SH3TC1: variants seen among roughly 807,000 people sequenced by gnomAD.
The protein encoded by SH3TC1 is SH3 domain and tetratricopeptide repeat-containing protein 1.
Under a neutral mutation model 117.3 loss-of-function variants are expected in SH3TC1, and 135 were observed. The ratio of observed to expected loss-of-function variants is 1.15; its 90% confidence interval spans 1.00 to 1.33. SH3TC1 has a LOEUF of 1.33. Among genes scored for constraint, SH3TC1 ranks in the 40% most tolerant of loss-of-function variants. The probability of loss-of-function intolerance (pLI) is 0.00; values close to 1 mark genes in which losing one functional copy is unlikely to be tolerated. For synonymous variants in SH3TC1, 898 were observed against 816.9 expected, an observed-to-expected ratio of 1.10 and a Z score of -1.69; for missense variants, 2,092 against 1,794.3, an observed-to-expected ratio of 1.17 and a Z score of -3.00.
At chr4:8,216,055 C>T (rs1417713367) in intron 5 of SH3TC1, 56 bp from the exon 6 acceptor site, 5 of 1,596,258 alleles carry the variant, frequency 3.1e-6, no homozygotes, top group Non-Finnish European at 4.3e-6. Flanking sequence ...CACAGGCTTC[C>T]CTGCCTCCCT....
Position 8,237,563 on chromosome 4 carries a change from C to G in SH3TC1, c.3646C>G (p.Leu1216Val). The G allele has an allele frequency of 6.2e-7, 1 of 1,612,176 alleles. No individual in the cohort carries two copies. Among genetic ancestry groups the G allele is most frequent in the Non-Finnish European group, 8.5e-7 (1 of 1,179,600 alleles). Residue 1216 changes from leucine to valine, a missense_variant, in exon 17 of 18, where the codon CTC (leucine) becomes GTC (valine). Coordinates refer to ENST00000245105, the MANE Select transcript of SH3TC1 (RefSeq NM_018986.5). ...TGGCGAGCTGGCAGAGCACTTCTAC[C>G]TCAAGGCCCTGTCGCTCTGCAACTC... Reference protein sequence around the residue: ...GHGELAEHFYLKALSLCNSPL... With the variant: ...GHGELAEHFYVKALSLCNSPL...
In SH3TC1 at chr4:8,228,182, G is replaced by T; in HGVS notation, c.2488G>T (p.Ala830Ser). 1 of 1,610,734 alleles carries T rather than the reference G, an allele frequency of 6.2e-7. No individual in the cohort carries two copies. The highest frequency in any genetic ancestry group is 1.7e-5 in the Admixed American group (1 of 59,854). Residue 830 changes from alanine (A) to serine (S), a missense_variant, in exon 12 of 18, where the codon GCC becomes TCC. Ala to Ser is a moderately conservative substitution (Grantham distance 99). Transcript: ENST00000245105. ...CCGTGCCATCGTGGACCACCTGGTG[G>T]CCCTGGCCTGGCTGCACGTGCTTCA... ...GVRAIVDHLV[A>S]LAWLHVLHGQ...
rs1359715579 is a variant in SH3TC1 at position 8,209,495 on chromosome 4, C to T, written c.173-253C>T. 3.3e-5 allele frequency among the ~76,000 whole-genome samples: 5 copies of T among 152,158 alleles called. No individual in the cohort carries two copies. The highest frequency in any genetic ancestry group is 1.5e-5 in the Non-Finnish European group (1 of 68,022). Reference sequence around the variant, plus strand: ...GAGGCCCATTGGAACTTGAGAGCGGCGGGATCATACGAGTCGTGTGGTCTT... The same window carrying T: ...GAGGCCCATTGGAACTTGAGAGCGGTGGGATCATACGAGTCGTGTGGTCTT... On this transcript the variant is annotated intron_variant, in intron 2 of 17. Coordinates refer to ENST00000245105, the MANE Select transcript of SH3TC1 (RefSeq NM_018986.5). The surrounding 1 kb of genome is among the most constrained non-coding windows in gnomAD (Gnocchi z 5.9).
At chr4:8,214,001 G>C (rs1718984090) in intron 4 of SH3TC1, among the ~76,000 whole-genome samples, 1 of 152,138 alleles carries the variant, frequency 6.6e-6, no homozygotes, top group Non-Finnish European at 1.5e-5. Flanking sequence ...AGTGTTAGCT[G>C]CTGTTATTTT....
At chr4:8,215,646 TCA>T (rs1199465094) in intron 5 of SH3TC1, among the ~76,000 whole-genome samples, 4 of 152,112 alleles carry the variant, frequency 2.6e-5, no homozygotes, top group African/African-American at 9.7e-5. Flanking sequence ...GAACGAAGGC[TCA>T]CTGCCCCAGA....
At chr4:8,226,883 G>A (rs1321080007) in intron 11 of SH3TC1, 97 bp from the exon 12 acceptor site, 9 of 863,480 alleles carry the variant, frequency 1.0e-5, no homozygotes, top group South Asian at 4.8e-5. Context: ...GTGCTGCGCC[G>A]GGGACACAGA....
Position 8,183,174 on chromosome 4 carries a change from G to A in SH3TC1, c.-57+964G>A, listed in dbSNP as rs1717123980. Among the ~76,000 whole-genome samples, 1 of 152,196 alleles carries A rather than the reference G, an allele frequency of 6.6e-6. No homozygotes were observed. Among genetic ancestry groups the A allele is most frequent in the African/African-American group, 2.4e-5 (1 of 41,448 alleles). On this transcript the variant is annotated intron_variant, in intron 1 of 16. Transcript: ENST00000508641. The surrounding 1 kb of genome is among the most constrained non-coding windows in gnomAD (Gnocchi z 5.4). ...CCCGCTGGGGCTATAGAATGGTCTG[G>A]AGCCCTCTGTGGCAGCAGCAGCCCC... is the stretch of plus-strand genomic sequence containing the variant.
chr4:8,203,240 T>C (rs1356902599), intron 1 of SH3TC1, among the ~76,000 whole-genome samples: 1 of 151,970 alleles, frequency 6.6e-6, no homozygotes, highest in Non-Finnish European at 1.5e-5. Context: ...GCAGCTTCAG[T>C]GTGCACTTCT....
At chr4:8,240,331 C>T (rs1448865739) in intron 17 of SH3TC1, among the ~76,000 whole-genome samples, 1 of 152,186 alleles carries the variant, frequency 6.6e-6, no homozygotes, top group Non-Finnish European at 1.5e-5. Flanking sequence ...CAGAGGGAAG[C>T]CTGGGTCACT....
chr4:8,212,962 G>A, intron 4 of SH3TC1, 134 bp downstream of exon 4: 3 of 1,248,140 alleles, frequency 2.4e-6, no homozygotes, highest in Admixed American at 6.0e-5. Context: ...GACAGTGGTG[G>A]CCTTGGAGGG....
chr4:8,237,593 C>G lies in SH3TC1; in HGVS notation c.3676C>G (p.Leu1226Val), dbSNP rs1404844569. Residue 1226 changes from leucine (L) to valine (V), a missense_variant, in exon 17 of 18, where the codon CTG becomes GTG. Transcript: ENST00000245105. ...GGCCCTGTCGCTCTGCAACTCGCCG[C>G]TGGAGTTTGACGAGGAGACCCTCTA... ...LKALSLCNSP[L>V]EFDEETLYYV... 1 of 1,612,524 alleles carries G rather than the reference C, an allele frequency of 6.2e-7. No homozygotes were observed. The highest frequency in any genetic ancestry group is 8.5e-7 in the Non-Finnish European group (1 of 1,179,638).
At chr4:8,233,645 T>G in intron 14 of SH3TC1, 132 bp downstream of exon 14, 2 of 1,100,434 alleles carry the variant, frequency 1.8e-6, no homozygotes, top group South Asian at 3.8e-5. Context: ...CTTCCATCCA[T>G]CCATCCTTCC....
intron 6 of SH3TC1, 128 bp downstream of exon 6, chr4:8,216,385 G>A: frequency 7.3e-7 from 1 of 1,377,522 alleles, no homozygotes; most frequent in South Asian, 1.5e-5. Context: ...TCTGGAGGCT[G>A]AGGGGTGCTT....
chr4:8,226,591 G>C (rs1287295218), intron 11 of SH3TC1, among the ~76,000 whole-genome samples: 1 of 152,266 alleles, frequency 6.6e-6, no homozygotes, highest in Non-Finnish European at 1.5e-5. Flanking sequence ...TGTAGTCGTA[G>C]TGCTGCGTAC....
intron 12 of SH3TC1, among the ~76,000 whole-genome samples, chr4:8,230,205 T>C (rs1475000730): frequency 6.6e-6 from 1 of 152,246 alleles, no homozygotes; most frequent in Non-Finnish European, 1.5e-5. Context: ...ATACAATTGT[T>C]CGTAGTGTTC....
At position 8,192,241 on chromosome 4, in the gene SH3TC1, C is replaced by T. The variant is rs114225422; in HGVS notation, c.-57+10031C>T. 0.017 allele frequency among the ~76,000 whole-genome samples: 2,561 copies of T among 151,956 alleles called. 72 individuals are homozygous for T. Among genetic ancestry groups the T allele is most frequent in the African/African-American group, 0.058 (2,417 of 41,430 alleles). On this transcript the variant is annotated intron_variant, in intron 1 of 16. Transcript: ENST00000508641. This position sits in a 1 kb window ranked among gnomAD's most constrained non-coding sequence, Gnocchi z 4.1. The stretch of plus-strand genomic sequence containing the variant: ...ACTCCTGACCTCAAGTGATCTGCAC[C>T]CCCCTCGGCCTCCCAAAGTGCTGGG...
rs1721311053 is a variant in SH3TC1, at chr4:8,232,334, C to T, written c.3131+178C>T. ...GGGGTTGTCCCAGGGCTGCTGATGA[C>T]CCGTGAGTCCCAGCTTGAGCTTCCC... is the stretch of plus-strand genomic sequence containing the variant. On this transcript the variant is annotated intron_variant, in intron 13 of 17. Transcript: ENST00000245105. 8 of 1,532,242 alleles carry T rather than the reference C, an allele frequency of 5.2e-6. No individual in the cohort carries two copies. The South Asian group carries it at 9.2e-5, about 18-fold the overall frequency. The allele number at this position is 1,532,242 out of a possible 1,614,324, so 94.9% of individuals were successfully genotyped here.
Position 8,227,543 on chromosome 4 carries a change from CG to C in SH3TC1, c.1852del (p.Glu618ArgfsTer71). On this transcript the variant is annotated frameshift_variant, in exon 12 of 18. Transcript: ENST00000245105. LOFTEE classifies it high-confidence loss of function. ...CAGCATTTACCGGAAGCAGAAGAAC[CG>C]GGAGAAGTGTGCACAGGTGGTGCCC... ...LASIYRKQKN[R>X]EKCAQVVPKA... 1 of 1,531,152 alleles carries C rather than the reference CG, an allele frequency of 6.5e-7. No individual in the cohort carries two copies. Among genetic ancestry groups the C allele is most frequent in the Non-Finnish European group, 8.7e-7 (1 of 1,143,312 alleles). 94.8% of individuals were successfully genotyped at this position (1,531,152 alleles called of 1,614,324 possible).
rs751220337 is a variant in SH3TC1, at chr4:8,240,763, G to A, written c.3819G>A (p.Lys1273=). 14 of 1,607,822 alleles carry A rather than the reference G, an allele frequency of 8.7e-6. No individual in the cohort carries two copies. Among genetic ancestry groups the A allele is most frequent in the Non-Finnish European group, 2.5e-6 (3 of 1,177,486 alleles). The stretch of plus-strand genomic sequence containing the variant: ...CAGCCGCCGTGGACCTGGGCAACAA[G>A]AAGGCACAGCTGAAGATCTACACGC... ...ALAAAVDLGN[K]KAQLKIYTRL... Residue 1273 remains lysine, a synonymous_variant, in exon 18 of 18, where the codon AAG becomes AAA. Coordinates refer to ENST00000245105, the MANE Select transcript of SH3TC1 (RefSeq NM_018986.5).
Sources: gnomAD v4.1 joint callset for allele counts (sites outside exome capture counted in the v4.1 genomes callset) on GRCh38, gnomAD v4.1.1 for gene constraint, Gnocchi (gnomAD v3.1) non-coding constraint, MANE v1.5 for transcripts, NCBI Gene and HGNC (gene_info 2026-07-23, HGNC 2026-07-21) for gene names.